Variants in MMP2 observed in about 807,000 individuals in gnomAD.
MMP2 encodes matrix metallopeptidase 2, also known as 72 kDa type IV collagenase.
MMP2 carries 39 observed loss-of-function variants against 74.8 expected under a neutral mutation model. The ratio of observed to expected loss-of-function variants is 0.52; its 90% CI spans 0.40 to 0.68. The LOEUF is 0.68. Among genes scored for constraint, MMP2 ranks in the 30% least tolerant of loss-of-function variants. MMP2 has a pLI of 0.00. For synonymous variants in MMP2, 367 were observed against 339.8 expected (o/e 1.08, Z -0.88); for missense variants, 803 against 878.3 (o/e 0.91, Z 1.08).
Position 55,496,980 on chromosome 16 carries a change from G to A in MMP2, c.1527G>A (p.Val509=). The change falls in exon 10 of 13, where the codon GTG becomes GTA. Residue 509 remains valine (V), a synonymous_variant. Transcript: ENST00000219070. ...PRDKPMGPLL[V]ATFWPELPEK... is the part of the protein sequence containing the mutation. The stretch of plus-strand genomic sequence containing the variant: ...ACAAGCCCATGGGGCCCCTGCTGGT[G>A]GCCACATTCTGGCCTGAGCTCCCGG... 6.2e-7 allele frequency: 1 copy of A among 1,614,162 alleles called. No individual in the cohort carries two copies. The highest frequency in any genetic ancestry group is 1.1e-5 in the South Asian group (1 of 91,084).
At position 55,498,410 on chromosome 16, in the gene MMP2, CA is replaced by C. The variant is rs1215269979; in HGVS notation, c.1733del (p.Lys578ArgfsTer17). Reference sequence around the variant, plus strand: ...ATGCCGCCTTTAACTGGAGCAAAAACAAGAAGACATACATCTTTGCTGGAGA... The same window carrying C: ...ATGCCGCCTTTAACTGGAGCAAAAACAGAAGACATACATCTTTGCTGGAGA... Reference protein sequence around the residue: ...VDAAFNWSKNKKTYIFAGDKF... With the variant: ...VDAAFNWSKNXKTYIFAGDKF... On this transcript the variant is annotated frameshift_variant, in exon 11 of 13. Coordinates refer to ENST00000219070, the MANE Select transcript of MMP2 (RefSeq NM_004530.6). LOFTEE classifies it high-confidence loss of function. 1.2e-6 allele frequency: 2 copies of C among 1,614,228 alleles called. No individual in the cohort carries two copies. Among genetic ancestry groups the C allele is most frequent in the Non-Finnish European group, 1.7e-6 (2 of 1,180,046 alleles).
chr16:55,483,483 A>C (rs1018746926), intron 2 of MMP2, among the ~76,000 whole-genome samples: 8 of 152,198 alleles, frequency 5.3e-5, no homozygotes, highest in African/African-American at 1.9e-4. Flanking sequence ...GAGTGTAGTA[A>C]TGCTAGTCAT....
intron 11 of MMP2, 48 bp from the exon 12 acceptor site, chr16:55,502,731 T>G: frequency 6.5e-7 from 1 of 1,535,396 alleles, no homozygotes; most frequent in Non-Finnish European, 9.0e-7. Context: ...AGGGGGGAAG[T>G]GTCCTTTAGA....
intron 7 of MMP2, among the ~76,000 whole-genome samples, chr16:55,491,014 G>A (rs1214170119): frequency 6.6e-6 from 1 of 151,746 alleles, no homozygotes; most frequent in East Asian, 1.9e-4. Flanking sequence ...CGTCACTCCA[G>A]TCTATGCCTC....
chr16:55,505,236 A>G (rs1962769942), intron 12 of MMP2, 103 bp from the exon 13 acceptor site: 1 of 998,050 alleles, frequency 1.0e-6, no homozygotes, highest in Non-Finnish European at 1.6e-6. Flanking sequence ...CTCGTTTAAA[A>G]GCTTCTTCCC....
chr16:55,498,046 G>T (rs568214001), intron 10 of MMP2, among the ~76,000 whole-genome samples: 2 of 152,322 alleles, frequency 1.3e-5, no homozygotes, highest in Admixed American at 6.5e-5. Context: ...GCACGACTTG[G>T]TGAGCAGAGT....
intron 3 of MMP2, 40 bp downstream of exon 3, chr16:55,484,204 C>A: frequency 6.2e-7 from 1 of 1,606,258 alleles, no homozygotes; most frequent in South Asian, 1.1e-5. Flanking sequence ...CAGCAGGGAT[C>A]AGTGTTGAGA....
At chr16:55,498,907 C>G (rs2142368634) in intron 11 of MMP2, among the ~76,000 whole-genome samples, 1 of 152,284 alleles carries the variant, frequency 6.6e-6, no homozygotes, top group Middle Eastern at 3.4e-3. Flanking sequence ...GTGGCTCACG[C>G]CTGTAATCCC....
rs759388881 is a variant in MMP2, at chr16:55,505,450, C to A, written c.*8C>A. 1.2e-6 allele frequency: 2 copies of A among 1,612,154 alleles called. No homozygotes were observed. The highest frequency in any genetic ancestry group is 4.5e-5 in the East Asian group (2 of 44,852). On this transcript the variant is annotated 3_prime_UTR_variant, in exon 13 of 13. Transcript: ENST00000219070. ...GACTGGCTAGGCTGCTGAGCTGGCCCTGGCTCCCACAGGCCCTTCCTCTCC... is the reference window on the plus strand; with the variant it reads ...GACTGGCTAGGCTGCTGAGCTGGCCATGGCTCCCACAGGCCCTTCCTCTCC...
intron 5 of MMP2, chr16:55,486,605 C>T (rs1347640373): frequency 6.6e-6 from 1 of 152,038 alleles, no homozygotes; most frequent in Non-Finnish European, 1.5e-5. Flanking sequence ...TATTGACATA[C>T]ACACTCAATC....
At chr16:55,481,855 T>C (rs1381061289) in intron 1 of MMP2, 1 of 765,484 alleles carries the variant, frequency 1.3e-6, no homozygotes, top group South Asian at 1.4e-5. Context: ...AGAGAGGTAA[T>C]CTTAGGTGCT....
chr16:55,491,041 G>A (rs978547959), intron 7 of MMP2, among the ~76,000 whole-genome samples: 8 of 151,186 alleles, frequency 5.3e-5, no homozygotes, highest in African/African-American at 1.9e-4. Context: ...GACATGGATG[G>A]CCTTCTTCCC....
chr16:55,482,962 G>C lies in MMP2; in HGVS notation c.207G>C (p.Val69=). ...CCAAGGAGAGCTGCAACCTGTTTGT[G>C]CTGAAGGACACACTAAAGAAGATGC... ...GCPKESCNLF[V]LKDTLKKMQK... Residue 69 remains valine (V), a synonymous_variant, in exon 2 of 13, where the codon GTG becomes GTC. Coordinates refer to ENST00000219070, the MANE Select transcript of MMP2 (RefSeq NM_004530.6). The C allele has an allele frequency of 6.2e-7, 1 of 1,614,222 alleles. No individual in the cohort carries two copies. Among genetic ancestry groups the C allele is most frequent in the Non-Finnish European group, 8.5e-7 (1 of 1,180,032 alleles).
chr16:55,504,492 T>A (rs1449657912), intron 12 of MMP2, among the ~76,000 whole-genome samples: 3 of 152,078 alleles, frequency 2.0e-5, no homozygotes, highest in Non-Finnish European at 4.4e-5. Context: ...TTGATAATCT[T>A]TATCCTCATC....
chr16:55,491,590 C>G (rs140131831), intron 7 of MMP2, among the ~76,000 whole-genome samples: 1 of 152,238 alleles, frequency 6.6e-6, no homozygotes, highest in Non-Finnish European at 1.5e-5. Flanking sequence ...TTGGCTGACC[C>G]CACTTGGAAA....
At chr16:55,502,915 T>G in intron 12 of MMP2, 27 bp downstream of exon 12, 1 of 1,571,808 alleles carries the variant, frequency 6.4e-7, no homozygotes, top group East Asian at 2.2e-5. Flanking sequence ...TGTCTCCGCT[T>G]TCTAGGACTC....
intron 1 of MMP2, chr16:55,480,428 G>C (rs1371756662): frequency 1.3e-5 from 2 of 152,154 alleles, no homozygotes; most frequent in African/African-American, 4.8e-5. Flanking sequence ...AGTGGGGCAG[G>C]CGCTGGAGGG....
intron 5 of MMP2, chr16:55,487,380 G>A (rs1245377234): frequency 6.6e-6 from 1 of 152,400 alleles, no homozygotes; most frequent in Admixed American, 6.5e-5. Flanking sequence ...TCAGAGGCAG[G>A]GGGCTGGCAT....
In MMP2 at chr16:55,506,038, G is replaced by A. The variant is rs186661803; in HGVS notation, c.*596G>A. Reference sequence around the variant, plus strand: ...CCTGACAGAAGGACTCAGGTTGTCTGAAGTCACTGCACAGTGCATCTCAGC... The same window carrying A: ...CCTGACAGAAGGACTCAGGTTGTCTAAAGTCACTGCACAGTGCATCTCAGC... On this transcript the variant is annotated 3_prime_UTR_variant, in exon 13 of 13. Transcript: ENST00000219070. 4 of 163,036 alleles carry A rather than the reference G, an allele frequency of 2.5e-5. No homozygotes were observed. The highest frequency in any genetic ancestry group is 2.3e-4 in the Admixed American group (4 of 17,308). The allele number at this position is 163,036 out of a possible 1,614,324, so 10.1% of individuals were successfully genotyped here.
Sources: allele counts gnomAD v4.1 joint callset (sites outside exome capture counted in the v4.1 genomes callset), GRCh38; gene constraint gnomAD v4.1.1; transcripts MANE v1.5; gene names NCBI Gene and HGNC (gene_info 2026-07-23, HGNC 2026-07-21).